The following NFATC1 variants were observed in gnomAD, a reference collection of about 807,000 sequenced individuals.
The protein encoded by NFATC1 is nuclear factor of activated T cells 1.
NFATC1 carries 22 observed loss-of-function variants against 76.0 expected under a neutral mutation model. The ratio of observed to expected loss-of-function variants is 0.29; its 90% CI spans 0.21 to 0.41. The LOEUF (loss-of-function observed/expected upper bound fraction) is 0.41. Among genes scored for constraint, NFATC1 ranks in the 10% least tolerant of loss-of-function variants. The pLI is 1.00. For synonymous variants in NFATC1, 704 were observed against 613.1 expected, an observed-to-expected ratio of 1.15 and a Z score of -2.19; for missense variants, 1,357 against 1,337.7, an observed-to-expected ratio of 1.01 and a Z score of -0.23.
chr18:79,518,060 C>T (rs893182167), intron 9 of NFATC1, among the ~76,000 whole-genome samples: 1 of 152,230 alleles, frequency 6.6e-6, no homozygotes, highest in Non-Finnish European at 1.5e-5. Context: ...TGCACGCAGC[C>T]TGAGGGCGTC....
chr18:79,429,682 GAC>G lies in NFATC1; in HGVS notation c.1227-3893_1227-3892del, dbSNP rs1280111291. Among the ~76,000 whole-genome samples the G allele has an allele frequency of 2.6e-5, 4 of 152,178 alleles. 1 individual carries two copies. The South Asian group carries it at 6.2e-4, about 24-fold the overall frequency. On this transcript the variant is annotated intron_variant, in intron 2 of 9. Coordinates refer to ENST00000427363, the MANE Select transcript of NFATC1 (RefSeq NM_001278669.2). ...TTTGGGCTCTTTTGTCTGAACCAGA[GAC>G]ACAGATTTGTAGAGCTGCCAAATTC...
Position 79,450,248 on chromosome 18 carries a change from G to A in NFATC1, c.1590-706G>A, listed in dbSNP as rs997091876. Among the ~76,000 whole-genome samples, 4 of 152,164 alleles carry A rather than the reference G, an allele frequency of 2.6e-5. 1 individual carries two copies. In the East Asian group the frequency reaches 7.7e-4, roughly 29 times the overall value. On this transcript the variant is annotated intron_variant, in intron 4 of 9. Transcript: ENST00000427363. ...AAAATACTGCTTTTTAGTGCATTGA[G>A]AATGTATACATGGAATGTTTTACTG...
chr18:79,460,194 G>T (rs1325103956), intron 6 of NFATC1, among the ~76,000 whole-genome samples: 1 of 152,180 alleles, frequency 6.6e-6, no homozygotes, highest in Non-Finnish European at 1.5e-5. Context: ...CCAGGCAGCA[G>T]CCCGGCACTG....
At chr18:79,455,168 G>T (rs969912506) in intron 6 of NFATC1, among the ~76,000 whole-genome samples, 1 of 152,236 alleles carries the variant, frequency 6.6e-6, no homozygotes, top group Non-Finnish European at 1.5e-5. Context: ...TAAGTCACGC[G>T]TCTGTTCTGG....
chr18:79,415,172 G>C (rs61005657), intron 2 of NFATC1, among the ~76,000 whole-genome samples: 3,440 of 152,340 alleles, frequency 0.023, 112 homozygotes, highest in African/African-American at 0.077. Flanking sequence ...AGTCTCTGGA[G>C]TTGCCTTTGT....
intron 3 of NFATC1, among the ~76,000 whole-genome samples, chr18:79,442,419 C>A (rs1033935974): frequency 2.0e-5 from 3 of 152,216 alleles, no homozygotes; most frequent in Admixed American, 6.5e-5. Context: ...GGGCTCCTGC[C>A]GCGTGCCTGT....
intron 6 of NFATC1, among the ~76,000 whole-genome samples, chr18:79,461,106 C>T (rs565636089): frequency 6.6e-6 from 1 of 152,350 alleles, no homozygotes; most frequent in Non-Finnish European, 1.5e-5. Flanking sequence ...CCCAGGGCAA[C>T]TTTGGTGTCG....
chr18:79,511,264 C>T (rs1361589653), intron 9 of NFATC1, among the ~76,000 whole-genome samples: 1 of 152,028 alleles, frequency 6.6e-6, no homozygotes, highest in Non-Finnish European at 1.5e-5. Flanking sequence ...TTTTTCACTC[C>T]GGGGTCAATA....
chr18:79,427,784 AG>A (rs144763787), intron 2 of NFATC1, among the ~76,000 whole-genome samples: 3,940 of 12,710 alleles, frequency 0.31, 288 homozygotes, highest in East Asian at 0.35. Flanking sequence ...TTGTGCAGTG[AG>A]GGGGCTGGAC....
At chr18:79,509,740 A>G (rs1421169474) in intron 9 of NFATC1, among the ~76,000 whole-genome samples, 3 of 152,224 alleles carry the variant, frequency 2.0e-5, no homozygotes, top group Admixed American at 6.5e-5. Flanking sequence ...GGAGGCTGTG[A>G]CAACTGTCAG....
intron 9 of NFATC1, among the ~76,000 whole-genome samples, chr18:79,507,427 C>G (rs1035418926): frequency 7.9e-5 from 12 of 152,390 alleles, no homozygotes; most frequent in African/African-American, 2.9e-4. Flanking sequence ...TGGCTCCCCA[C>G]AGACATGGGG....
chr18:79,466,910 T>G (rs1267767419), intron 7 of NFATC1, among the ~76,000 whole-genome samples: 3 of 152,168 alleles, frequency 2.0e-5, no homozygotes, highest in Non-Finnish European at 4.4e-5. Flanking sequence ...GGCGGAGCCT[T>G]GGGTCGTTTT....
At position 79,396,164 on chromosome 18, in the gene NFATC1, C is replaced by G; in HGVS notation, c.-61C>G. 1 of 1,381,300 alleles carries G rather than the reference C, an allele frequency of 7.2e-7. No homozygotes were observed. The highest frequency in any genetic ancestry group is 1.4e-5 in the South Asian group (1 of 69,652). 85.6% of individuals were successfully genotyped at this position (1,381,300 alleles called of 1,614,324 possible). A position where few individuals can be genotyped will look rare whatever the true frequency, so the allele number is the denominator to read the frequency against. ...TCCCGGAGACCCGACCCCGGCAGCG[C>G]GGGGCGGCCGCTTCTCCTGTGCCTC... On this transcript the variant is annotated 5_prime_UTR_variant, in exon 1 of 10. Coordinates refer to ENST00000427363, the MANE Select transcript of NFATC1 (RefSeq NM_001278669.2).
chr18:79,424,140 T>TGCGTCCA, intron 2 of NFATC1, among the ~76,000 whole-genome samples: 1 of 152,346 alleles, frequency 6.6e-6, no homozygotes, highest in South Asian at 2.1e-4. Flanking sequence ...GGGTGAAGGC[T>TGCGTCCA]GCGTCCAGCG....
chr18:79,415,042 G>C (rs778581558), intron 2 of NFATC1, among the ~76,000 whole-genome samples: 1 of 152,186 alleles, frequency 6.6e-6, no homozygotes, highest in African/African-American at 2.4e-5. Context: ...CTGGGCACCT[G>C]CCACAGGCCA....
intron 9 of NFATC1, among the ~76,000 whole-genome samples, chr18:79,503,800 G>T (rs1465067552): frequency 1.3e-5 from 2 of 152,240 alleles, no homozygotes; most frequent in African/African-American, 4.8e-5. Flanking sequence ...GTTGTTTAGT[G>T]TGGCCACCTT....
chr18:79,435,126 C>T (rs995068939), intron 3 of NFATC1, among the ~76,000 whole-genome samples: 8 of 152,096 alleles, frequency 5.3e-5, no homozygotes, highest in Admixed American at 4.6e-4. Flanking sequence ...GGACAAGAAA[C>T]GAGGCTGTGA....
chr18:79,446,825 C>T (rs1444638163), intron 3 of NFATC1, among the ~76,000 whole-genome samples: 2 of 152,260 alleles, frequency 1.3e-5, no homozygotes, highest in Non-Finnish European at 2.9e-5. Context: ...CATCTGCGCA[C>T]ATGGGGGCTG....
chr18:79,495,247 G>GT (rs1429857625), intron 9 of NFATC1, among the ~76,000 whole-genome samples: 1 of 152,266 alleles, frequency 6.6e-6, no homozygotes, highest in East Asian at 1.9e-4. Flanking sequence ...GAAAGGAGAG[G>GT]TGCCCGCTCC....
Sources: gnomAD v4.1 joint callset for allele counts (sites outside exome capture counted in the v4.1 genomes callset) on GRCh38, gnomAD v4.1.1 for gene constraint, MANE v1.5 for transcripts, NCBI Gene and HGNC (gene_info 2026-07-23, HGNC 2026-07-21) for gene names.